Variants in FMNL2 observed in about 807,000 individuals in gnomAD.
FMNL2 encodes formin-like protein 2.
FMNL2 carries 51 observed loss-of-function variants against 130.2 expected under a neutral mutation model. The observed-to-expected ratio is 0.39, with a 90% confidence interval of 0.31 to 0.49. FMNL2 has a LOEUF of 0.49. Among genes scored for constraint, FMNL2 ranks in the 20% least tolerant of loss-of-function variants. The probability of loss-of-function intolerance (pLI) is 0.85; values close to 1 mark genes in which losing one functional copy is unlikely to be tolerated. For missense variants in FMNL2, 977 were observed against 1,316.2 expected, an observed-to-expected ratio of 0.74 and a Z score of 3.99; for synonymous variants, 465 against 467.1, an observed-to-expected ratio of 1.00 and a Z score of 0.06.
chr2:152,576,246 C>A (rs59119022), intron 7 of FMNL2, among the ~76,000 whole-genome samples: 1,654 of 152,012 alleles, frequency 0.011, 37 homozygotes, highest in African/African-American at 0.038. Context: ...TTATTCTTTC[C>A]ATTTTTTTTT....
At chr2:152,515,166 T>C (rs1158443823) in intron 1 of FMNL2, among the ~76,000 whole-genome samples, 1 of 152,182 alleles carries the variant, frequency 6.6e-6, no homozygotes, top group African/African-American at 2.4e-5. Context: ...ACATCCAGGC[T>C]CAATGCATAG....
At chr2:152,543,164 A>G (rs1200169590) in intron 3 of FMNL2, among the ~76,000 whole-genome samples, 1 of 152,176 alleles carries the variant, frequency 6.6e-6, no homozygotes, top group Non-Finnish European at 1.5e-5. Context: ...TCAGTTTTTT[A>G]TGCCTTGGTG....
intron 2 of FMNL2, among the ~76,000 whole-genome samples, chr2:152,535,539 G>T (rs1176838157): frequency 6.6e-6 from 1 of 152,042 alleles, no homozygotes; most frequent in Non-Finnish European, 1.5e-5. Flanking sequence ...ATTTCTTTTT[G>T]TGCTTTTTAC....
intron 1 of FMNL2, among the ~76,000 whole-genome samples, chr2:152,485,655 AACATTAT>A (rs1440172348): frequency 6.6e-6 from 1 of 152,244 alleles, no homozygotes; most frequent in East Asian, 1.9e-4. Flanking sequence ...CCTTCATTCC[AACATTAT>A]ACATTTAAAA....
intron 1 of FMNL2, among the ~76,000 whole-genome samples, chr2:152,510,026 G>C (rs1423652453): frequency 2.6e-5 from 4 of 152,060 alleles, no homozygotes; most frequent in Non-Finnish European, 5.9e-5. Context: ...TGGGATTATA[G>C]GCATGAGCCA....
At chr2:152,491,227 A>G (rs934565581) in intron 1 of FMNL2, among the ~76,000 whole-genome samples, 2 of 152,208 alleles carry the variant, frequency 1.3e-5, no homozygotes, top group African/African-American at 4.8e-5. Context: ...AGTTTGCTAG[A>G]TTTATGATCT....
At chr2:152,353,231 A>G (rs1247293617) in intron 1 of FMNL2, among the ~76,000 whole-genome samples, 2 of 152,242 alleles carry the variant, frequency 1.3e-5, no homozygotes, top group Non-Finnish European at 2.9e-5. Context: ...AATATTTTAG[A>G]TTAAGCTGAT....
At chr2:152,562,275 T>G (rs1352485986) in intron 6 of FMNL2, among the ~76,000 whole-genome samples, 1 of 152,220 alleles carries the variant, frequency 6.6e-6, no homozygotes, top group Non-Finnish European at 1.5e-5. Context: ...TTACTCTTTC[T>G]AGCTTAAAGT....
chr2:152,451,335 A>T (rs1433234208), intron 1 of FMNL2, among the ~76,000 whole-genome samples: 1 of 151,936 alleles, frequency 6.6e-6, no homozygotes, highest in Admixed American at 6.5e-5. Context: ...TCTTTAGTAG[A>T]TACGGGGTTT....
At chr2:152,374,120 A>G (rs1432737220) in intron 1 of FMNL2, among the ~76,000 whole-genome samples, 1 of 152,194 alleles carries the variant, frequency 6.6e-6, no homozygotes. Context: ...CATCTCAGTT[A>G]TGTATGTAAT....
chr2:152,625,209 C>T (rs1008787216), intron 15 of FMNL2: 3 of 445,338 alleles, frequency 6.7e-6, no homozygotes, highest in Non-Finnish European at 8.0e-6. Context: ...ACCCTTGGCC[C>T]TTAAGACGTC....
intron 1 of FMNL2, among the ~76,000 whole-genome samples, chr2:152,422,054 C>T (rs954063196): frequency 1.3e-5 from 2 of 152,132 alleles, no homozygotes; most frequent in African/African-American, 2.4e-5. Flanking sequence ...AATTTGAAAT[C>T]ATCTAATCAC....
rs118024771 is a variant in FMNL2 at position 152,550,385 on chromosome 2, T to C, written c.359+1288T>C. On this transcript the variant is annotated intron_variant, in intron 4 of 25. Transcript: ENST00000288670. Reference sequence around the variant, plus strand: ...CAGAAAATGAATTAATTCTAGACTTTGTCCCTGGAAATGGGCTATAGAACA... The same window carrying C: ...CAGAAAATGAATTAATTCTAGACTTCGTCCCTGGAAATGGGCTATAGAACA... Among the ~76,000 whole-genome samples the C allele has an allele frequency of 4.6e-5, 7 of 152,380 alleles. No individual in the cohort carries two copies. In the East Asian group the frequency reaches 1.2e-3, roughly 25 times the overall value.
chr2:152,582,004 G>A (rs778309016), intron 9 of FMNL2, among the ~76,000 whole-genome samples: 8 of 152,112 alleles, frequency 5.3e-5, no homozygotes, highest in East Asian at 1.9e-4. Flanking sequence ...ACTATATGCC[G>A]GGGCTATACC....
chr2:152,432,051 CTG>C (rs1311836374), intron 1 of FMNL2, among the ~76,000 whole-genome samples: 2 of 144,986 alleles, frequency 1.4e-5, no homozygotes, highest in Non-Finnish European at 3.0e-5. Context: ...ATTCCTCTCT[CTG>C]TTATCTGTGT....
At chr2:152,526,641 A>G (rs543932372) in intron 2 of FMNL2, among the ~76,000 whole-genome samples, 106 of 152,298 alleles carry the variant, frequency 7.0e-4, no homozygotes, top group Non-Finnish European at 1.3e-3. Flanking sequence ...ATACTGTGGT[A>G]TGATTAAATG....
intron 1 of FMNL2, among the ~76,000 whole-genome samples, chr2:152,496,154 C>T (rs1691510144): frequency 6.6e-6 from 1 of 152,012 alleles, no homozygotes; most frequent in African/African-American, 2.4e-5. Flanking sequence ...CTGCTGATGC[C>T]CTTTTCTGGG....
At chr2:152,494,481 G>A (rs1691390272) in intron 1 of FMNL2, among the ~76,000 whole-genome samples, 1 of 152,166 alleles carries the variant, frequency 6.6e-6, no homozygotes. Flanking sequence ...GCTGATATGT[G>A]ATTGTGTTTT....
At chr2:152,586,777 G>T (rs149798532) in intron 9 of FMNL2, among the ~76,000 whole-genome samples, 30 of 152,286 alleles carry the variant, frequency 2.0e-4, no homozygotes, top group Non-Finnish European at 3.5e-4. Flanking sequence ...TCTTAATGTG[G>T]TGTTAGTGCT....
Sources: allele counts gnomAD v4.1 joint callset (sites outside exome capture counted in the v4.1 genomes callset), GRCh38; gene constraint gnomAD v4.1.1; transcripts MANE v1.5; gene names NCBI Gene and HGNC (gene_info 2026-07-23, HGNC 2026-07-21).